The following SLC22A23 variants were observed in gnomAD, a reference collection of about 807,000 sequenced individuals.
SLC22A23 encodes ion transporter protein.
In SLC22A23, 26 loss-of-function variants were observed where a neutral mutation model predicts 61.0. That is an observed-to-expected ratio of 0.43 (90% CI 0.31 to 0.59). The LOEUF (loss-of-function observed/expected upper bound fraction) is 0.59. SLC22A23 is among the 20% of genes least tolerant of loss of function. The probability of loss-of-function intolerance (pLI) is 0.11; values close to 1 mark genes in which losing one functional copy is unlikely to be tolerated. For synonymous variants in SLC22A23, 430 were observed against 413.9 expected, an observed-to-expected ratio of 1.04 and a Z score of -0.47; for missense variants, 796 against 934.7, an observed-to-expected ratio of 0.85 and a Z score of 1.94.
rs564183111 is a variant in SLC22A23, at chr6:3,354,429, C to T, written c.914-30427G>A. On this transcript the variant is annotated intron_variant, in intron 3 of 9. Transcript: ENST00000406686. ...TCTCAAGAAGATTCAGATTCTCTTTCCATGTCCCTGCTGCATTTAATAAGT... is the reference window on the plus strand; with the variant it reads ...TCTCAAGAAGATTCAGATTCTCTTTTCATGTCCCTGCTGCATTTAATAAGT... Among the ~76,000 whole-genome samples, 7 of 152,324 alleles carry T rather than the reference C, an allele frequency of 4.6e-5. No homozygotes were observed. In the East Asian group the frequency reaches 1.3e-3, roughly 29 times the overall value.
At chr6:3,305,088 C>T (rs922920273) in intron 4 of SLC22A23, among the ~76,000 whole-genome samples, 6 of 152,154 alleles carry the variant, frequency 3.9e-5, no homozygotes, top group Non-Finnish European at 5.9e-5. Flanking sequence ...TTCCCCATGA[C>T]GGGATTTACA....
Position 3,456,538 on chromosome 6 carries a change from C to G in SLC22A23, c.22G>C (p.Glu8Gln). 1 of 986,300 alleles carries G rather than the reference C, an allele frequency of 1.0e-6. No individual in the cohort carries two copies. The highest frequency in any genetic ancestry group is 1.8e-5 in the African/African-American group (1 of 56,764). The allele number at this position is 986,300 out of a possible 1,614,324, so 61.1% of individuals were successfully genotyped here. ...CGCCCAGGCCCGCCGCCCGCCGCCT[C>G]GCGCCGCCGGTCTATGGCCATGGCC... Reference protein sequence around the residue: MAIDRRREAAGGGPGRQP... With the variant: MAIDRRRQAAGGGPGRQP... The change falls in exon 1 of 10, where the codon GAG (glutamate) becomes CAG (glutamine). Residue 8 changes from glutamate (E) to glutamine (Q), a missense_variant. Physicochemically the swap from Glu to Gln is conservative, Grantham distance 29. Transcript: ENST00000406686. The surrounding 1 kb of genome is among the most constrained non-coding windows in gnomAD (Gnocchi z 7.1).
At position 3,455,912 on chromosome 6, in the gene SLC22A23, G is replaced by A. The variant is rs1186375226; in HGVS notation, c.648C>T (p.Val216=). The A allele has an allele frequency of 3.3e-6, 5 of 1,501,508 alleles. No individual in the cohort carries two copies. The African/African-American group carries it at 6.9e-5, about 21-fold the overall frequency. The allele number at this position is 1,501,508 out of a possible 1,614,324, so 93.0% of individuals were successfully genotyped here. A position where few individuals can be genotyped will look rare whatever the true frequency, so the allele number is the denominator to read the frequency against. ...GIRAGLVQNV[V]SKWDLVCDNA... is the part of the protein sequence containing the mutation. ...GGGCGGCTGCGGCCCTTACCTTGCT[G>A]ACCACGTTCTGGACGAGGCCGGCGC... Residue 216 remains valine, a synonymous_variant, in exon 1 of 10, where the codon GTC becomes GTT. Transcript: ENST00000406686.
chr6:3,313,149 G>T (rs577805733), intron 4 of SLC22A23: 1 of 152,210 alleles, frequency 6.6e-6, no homozygotes, highest in Non-Finnish European at 1.5e-5. Context: ...TCTCTGTGGA[G>T]TGTTGTCTGA....
intron 3 of SLC22A23, among the ~76,000 whole-genome samples, chr6:3,401,890 C>T (rs11754512): frequency 6.6e-6 from 1 of 152,196 alleles, no homozygotes; most frequent in African/African-American, 2.4e-5. Flanking sequence ...CTCAGATGCC[C>T]TAAGTCTCCA....
At position 3,410,973 on chromosome 6, in the gene SLC22A23, C is replaced by T. The variant is rs914098878; in HGVS notation, c.759-631G>A. Among the ~76,000 whole-genome samples, 2 of 152,218 alleles carry T rather than the reference C, an allele frequency of 1.3e-5. No homozygotes were observed. The highest frequency in any genetic ancestry group is 4.8e-5 in the African/African-American group (2 of 41,456). On this transcript the variant is annotated intron_variant, in intron 2 of 9. Transcript: ENST00000406686. This position sits in a 1 kb window ranked among gnomAD's most constrained non-coding sequence, Gnocchi z 5.0. ...ATAGTGAGCTGACAGTGCAGCCCCT[C>T]GGCTGGACTGAGAGGCAGGGAGCCC...
intron 4 of SLC22A23, among the ~76,000 whole-genome samples, chr6:3,315,909 C>T (rs1308758992): frequency 6.6e-6 from 1 of 152,112 alleles, no homozygotes. Context: ...GTGTCCAATG[C>T]AGCTGACTCA....
chr6:3,453,811 C>T (rs1335937658), intron 1 of SLC22A23, among the ~76,000 whole-genome samples: 1 of 152,186 alleles, frequency 6.6e-6, no homozygotes, highest in Non-Finnish European at 1.5e-5. Flanking sequence ...GGCAAAGGCT[C>T]CTTCCACTTT....
At chr6:3,282,095 C>T in intron 9 of SLC22A23, 1 of 647,026 alleles carries the variant, frequency 1.5e-6, no homozygotes, top group Admixed American at 2.3e-5. Flanking sequence ...CCTCCCCCAA[C>T]AAAATATGCA....
intron 1 of SLC22A23, among the ~76,000 whole-genome samples, chr6:3,430,895 C>T (rs532566450): frequency 1.6e-4 from 25 of 152,038 alleles, no homozygotes; most frequent in African/African-American, 5.8e-4. Flanking sequence ...GGAGAAACCC[C>T]GTCTCTACTA....
intron 3 of SLC22A23, among the ~76,000 whole-genome samples, chr6:3,355,042 T>C (rs1764984060): frequency 6.6e-6 from 1 of 151,880 alleles, no homozygotes; most frequent in South Asian, 2.1e-4. Context: ...TAAAAGATAT[T>C]CCTACTACCG....
At chr6:3,404,295 T>C (rs1768641375) in intron 3 of SLC22A23, among the ~76,000 whole-genome samples, 1 of 152,238 alleles carries the variant, frequency 6.6e-6, no homozygotes, top group African/African-American at 2.4e-5. Flanking sequence ...TAGCTACATG[T>C]TTTCTTGCAC....
At chr6:3,291,622 C>CA (rs36088643) in intron 5 of SLC22A23, 4 of 152,144 alleles carry the variant, frequency 2.6e-5, no homozygotes, top group African/African-American at 7.2e-5. Flanking sequence ...TTTTCCTCAG[C>CA]AAAAATGGGC....
chr6:3,426,850 T>C (rs886725745), intron 1 of SLC22A23, among the ~76,000 whole-genome samples: 2 of 152,208 alleles, frequency 1.3e-5, no homozygotes, highest in Admixed American at 6.5e-5. Context: ...TTCTCAGCTG[T>C]AGTAGGTGTG....
chr6:3,416,905 G>A (rs1394371564), intron 1 of SLC22A23, among the ~76,000 whole-genome samples: 1 of 152,202 alleles, frequency 6.6e-6, no homozygotes, highest in East Asian at 1.9e-4. Flanking sequence ...CAGGATTGGA[G>A]GGGATGGGGA....
At chr6:3,450,711 G>A (rs1772121771) in intron 1 of SLC22A23, among the ~76,000 whole-genome samples, 2 of 152,218 alleles carry the variant, frequency 1.3e-5, no homozygotes, top group Non-Finnish European at 2.9e-5. Context: ...TTGATGAGGT[G>A]TCAAGAAAAT....
intron 3 of SLC22A23, among the ~76,000 whole-genome samples, chr6:3,389,394 G>A (rs1767523597): frequency 6.6e-6 from 1 of 151,366 alleles, no homozygotes; most frequent in Non-Finnish European, 1.5e-5. Flanking sequence ...GGTTAAGATA[G>A]TAAATGTTAT....
chr6:3,369,797 ATGCTTAGAATGTG>A (rs1437311118), intron 3 of SLC22A23, among the ~76,000 whole-genome samples: 1 of 152,242 alleles, frequency 6.6e-6, no homozygotes, highest in African/African-American at 2.4e-5. Flanking sequence ...GAAATGCTTC[ATGCTTAGAATGTG>A]TGTGCACACG....
At position 3,410,139 on chromosome 6, in the gene SLC22A23, A is replaced by G; in HGVS notation, c.913+49T>C. 4 of 1,565,856 alleles carry G rather than the reference A, an allele frequency of 2.6e-6. No individual in the cohort carries two copies. The highest frequency in any genetic ancestry group is 3.5e-6 in the Non-Finnish European group (4 of 1,156,438). ...CTTTCCCAGAACCTCCCAGGCAACAATACTTTTGCTAAATTCTTTCAAGAC... is the reference window on the plus strand; with the variant it reads ...CTTTCCCAGAACCTCCCAGGCAACAGTACTTTTGCTAAATTCTTTCAAGAC... On this transcript the variant is annotated intron_variant, in intron 3 of 9. Transcript: ENST00000406686. The surrounding 1 kb of genome is among the most constrained non-coding windows in gnomAD (Gnocchi z 5.0).
Sources: allele counts gnomAD v4.1 joint callset (sites outside exome capture counted in the v4.1 genomes callset), GRCh38; gene constraint gnomAD v4.1.1; non-coding constraint Gnocchi (gnomAD v3.1); transcripts MANE v1.5; gene names NCBI Gene and HGNC (gene_info 2026-07-23, HGNC 2026-07-21).